Variants in ZBTB20 observed in about 807,000 individuals in gnomAD.
ZBTB20 encodes zinc finger and BTB domain-containing protein 20.
Under a neutral mutation model 56.9 loss-of-function variants are expected in ZBTB20, and 9 were observed. The ratio of observed to expected loss-of-function variants is 0.16; its 90% confidence interval spans 0.10 to 0.28. The LOEUF is 0.28. Ranked by LOEUF, ZBTB20 falls within the 10% of genes least tolerant of loss-of-function variation. The pLI is 1.00. For synonymous variants in ZBTB20, 417 were observed against 420.7 expected (o/e 0.99, Z 0.11); for missense variants, 655 against 1,003.0 (o/e 0.65, Z 4.69).
At chr3:114,855,988 G>A (rs1382749063) in intron 4 of ZBTB20, among the ~76,000 whole-genome samples, 1 of 152,096 alleles carries the variant, frequency 6.6e-6, no homozygotes, top group Non-Finnish European at 1.5e-5. Flanking sequence ...GAGGCGTTAG[G>A]GTATAGAGAG....
intron 6 of ZBTB20, among the ~76,000 whole-genome samples, chr3:114,517,575 C>T (rs992158082): frequency 1.3e-5 from 2 of 151,510 alleles, no homozygotes; most frequent in African/African-American, 4.9e-5. Flanking sequence ...TCAATCAACA[C>T]ATATTTCTTT....
At chr3:115,055,851 A>G (rs1378464430) in intron 2 of ZBTB20, among the ~76,000 whole-genome samples, 1 of 152,180 alleles carries the variant, frequency 6.6e-6, no homozygotes, top group Non-Finnish European at 1.5e-5. Context: ...AATTAATTAT[A>G]GAGAACAGTA....
intron 4 of ZBTB20, among the ~76,000 whole-genome samples, chr3:114,849,740 T>A (rs904815365): frequency 6.6e-6 from 1 of 152,102 alleles, no homozygotes; most frequent in African/African-American, 2.4e-5. Flanking sequence ...TACACATGCA[T>A]AGCAAAAAGA....
chr3:114,316,642 T>G lies in ZBTB20; in HGVS notation c.*22363A>C. The G allele has an allele frequency of 2.0e-6, 1 of 501,208 alleles. No homozygotes were observed. Among genetic ancestry groups the G allele is most frequent in the Non-Finnish European group, 4.1e-6 (1 of 246,194 alleles). The allele number at this position is 501,208 out of a possible 1,614,324, so 31.0% of individuals were successfully genotyped here. A position where few individuals can be genotyped will look rare whatever the true frequency, so the allele number is the denominator to read the frequency against. ...TTAACTTTCCCCTGCTCCCTCTGTA[T>G]ATTTTAAACAGTCTGGAGCTTTAAT... On this transcript the variant is annotated 3_prime_UTR_variant, in exon 12 of 12. Coordinates refer to ENST00000675478, the MANE Select transcript of ZBTB20 (RefSeq NM_001348800.3).
chr3:114,659,637 G>C (rs78889361), intron 6 of ZBTB20, among the ~76,000 whole-genome samples: 1 of 152,158 alleles, frequency 6.6e-6, no homozygotes, highest in Non-Finnish European at 1.5e-5. Context: ...CTTGTTCTTT[G>C]CCCTCTGGCT....
intron 6 of ZBTB20, among the ~76,000 whole-genome samples, chr3:114,662,172 G>T (rs2060773170): frequency 6.6e-6 from 1 of 150,936 alleles, no homozygotes; most frequent in Non-Finnish European, 1.5e-5. Context: ...TTTTGTTCTT[G>T]CGATAGTTTA....
At chr3:115,033,227 G>A (rs2080775212) in intron 2 of ZBTB20, among the ~76,000 whole-genome samples, 1 of 151,314 alleles carries the variant, frequency 6.6e-6, no homozygotes, top group African/African-American at 2.4e-5. Context: ...AGAGTACGAT[G>A]AGCAATTGCT....
At chr3:114,788,060 A>C (rs2108797546) in intron 5 of ZBTB20, among the ~76,000 whole-genome samples, 1 of 152,262 alleles carries the variant, frequency 6.6e-6, no homozygotes, top group East Asian at 1.9e-4. Context: ...TAAGCCAATA[A>C]ATTACCATAT....
chr3:115,128,999 T>C (rs1172361683), intron 1 of ZBTB20, among the ~76,000 whole-genome samples: 1 of 151,864 alleles, frequency 6.6e-6, no homozygotes, highest in Non-Finnish European at 1.5e-5. Context: ...TTTGGGAGGC[T>C]GAGGCAGGAG....
At chr3:115,039,927 T>C (rs1560516601) in intron 2 of ZBTB20, among the ~76,000 whole-genome samples, 1 of 151,900 alleles carries the variant, frequency 6.6e-6, no homozygotes, top group Non-Finnish European at 1.5e-5. Flanking sequence ...CACCTGAAAA[T>C]TGCTGAGGAT....
intron 4 of ZBTB20, among the ~76,000 whole-genome samples, chr3:114,818,402 C>T (rs150406049): frequency 1.9e-3 from 292 of 152,034 alleles, no homozygotes; most frequent in African/African-American, 6.7e-3. Context: ...ATGCTAAGTC[C>T]TTTGCTGAAC....
At chr3:115,127,906 A>T (rs559201687) in intron 1 of ZBTB20, among the ~76,000 whole-genome samples, 1 of 152,330 alleles carries the variant, frequency 6.6e-6, no homozygotes, top group East Asian at 1.9e-4. Flanking sequence ...AACTGAAATA[A>T]TAAGAATTAA....
rs2078967141 is a variant in ZBTB20 at position 114,323,540 on chromosome 3, T to C, written c.*15465A>G. 1 of 152,240 alleles carries C rather than the reference T, an allele frequency of 6.6e-6. No homozygotes were observed. Among genetic ancestry groups the C allele is most frequent in the Non-Finnish European group, 1.5e-5 (1 of 68,054 alleles). The allele number at this position is 152,240 out of a possible 1,614,324, so 9.4% of individuals were successfully genotyped here. ...TTGAAAGGAGCACATCCTACTGCCC[T>C]CTGCCACACTAAAATGTGCACAAGC... On this transcript the variant is annotated 3_prime_UTR_variant, in exon 12 of 12. Transcript: ENST00000675478.
chr3:114,986,863 T>C (rs945237252), intron 2 of ZBTB20, among the ~76,000 whole-genome samples: 3 of 152,292 alleles, frequency 2.0e-5, no homozygotes, highest in Non-Finnish European at 4.4e-5. Flanking sequence ...TCATTTTCTA[T>C]TCTCCATCTT....
chr3:114,878,527 A>G (rs2076279937), intron 4 of ZBTB20, among the ~76,000 whole-genome samples: 1 of 151,740 alleles, frequency 6.6e-6, no homozygotes, highest in Non-Finnish European at 1.5e-5. Flanking sequence ...TCCACTCAGC[A>G]ATGCTATCCC....
chr3:114,470,552 A>C (rs558506505), intron 7 of ZBTB20, among the ~76,000 whole-genome samples: 173 of 152,160 alleles, frequency 1.1e-3, no homozygotes, highest in Non-Finnish European at 1.9e-3. Flanking sequence ...CCAGAATTTT[A>C]TGCATTATTT....
At chr3:115,001,103 AC>A (rs1216063537) in intron 2 of ZBTB20, among the ~76,000 whole-genome samples, 3 of 150,814 alleles carry the variant, frequency 2.0e-5, no homozygotes, top group East Asian at 2.0e-4. Flanking sequence ...AAAAAAAAAA[AC>A]AAATTTCTCA....
chr3:115,045,590 C>A (rs934097995), intron 2 of ZBTB20, among the ~76,000 whole-genome samples: 2 of 151,094 alleles, frequency 1.3e-5, no homozygotes, highest in Non-Finnish European at 3.0e-5. Context: ...AACTAAAATG[C>A]AATCAATCCA....
chr3:114,490,903 C>G (rs374989503), intron 7 of ZBTB20, among the ~76,000 whole-genome samples: 23 of 152,264 alleles, frequency 1.5e-4, no homozygotes, highest in Non-Finnish European at 2.6e-4. Context: ...AGGGAAGGAG[C>G]AGGCATAAGA....
Sources: allele counts gnomAD v4.1 joint callset (sites outside exome capture counted in the v4.1 genomes callset), GRCh38; gene constraint gnomAD v4.1.1; transcripts MANE v1.5; gene names NCBI Gene and HGNC (gene_info 2026-07-23, HGNC 2026-07-21).